Variants in HEATR5A observed in about 807,000 individuals in gnomAD.
HEATR5A encodes HEAT repeat-containing protein 5A.
In HEATR5A, 178 loss-of-function variants were observed where a neutral mutation model predicts 218.8. The ratio of observed to expected loss-of-function variants is 0.81; its 90% CI spans 0.72 to 0.92. The LOEUF is 0.92. Ranked by LOEUF, HEATR5A falls within the 40% of genes least tolerant of loss-of-function variation. The pLI is 0.00. For missense variants in HEATR5A, 2,420 were observed against 2,418.9 expected (o/e 1.00, Z -0.01); for synonymous variants, 864 against 871.6 (o/e 0.99, Z 0.15).
chr14:31,357,900 C>G (rs1326803403), intron 16 of HEATR5A, among the ~76,000 whole-genome samples: 10 of 152,140 alleles, frequency 6.6e-5, no homozygotes, highest in Non-Finnish European at 1.5e-4. Context: ...GGGCCACGGA[C>G]TGGTACTGGT....
chr14:31,373,760 C>T (rs970759313), intron 12 of HEATR5A, among the ~76,000 whole-genome samples: 1 of 151,938 alleles, frequency 6.6e-6, no homozygotes, highest in Non-Finnish European at 1.5e-5. Flanking sequence ...GATGCCACAC[C>T]GAGTGTGCCT....
chr14:31,380,798 C>T (rs1289109770), intron 10 of HEATR5A, among the ~76,000 whole-genome samples: 2 of 152,184 alleles, frequency 1.3e-5, no homozygotes, highest in Non-Finnish European at 2.9e-5. Flanking sequence ...TAGTACACAA[C>T]AATCCCATAA....
At chr14:31,409,300 G>A (rs1055098232) in intron 1 of HEATR5A, among the ~76,000 whole-genome samples, 10 of 150,696 alleles carry the variant, frequency 6.6e-5, no homozygotes, top group South Asian at 2.1e-4. Flanking sequence ...CAACCGCCTC[G>A]GCATCCCAAA....
intron 12 of HEATR5A, among the ~76,000 whole-genome samples, 191 bp downstream of exon 12, chr14:31,374,625 G>A (rs74736847): frequency 0.03 from 4,555 of 152,004 alleles, 215 homozygotes; most frequent in African/African-American, 0.1. Flanking sequence ...TCTCAAATCT[G>A]GTTTATTATA....
At chr14:31,350,842 A>G (rs781202111) in intron 16 of HEATR5A, 125 bp from the exon 17 acceptor site, 1 of 588,776 alleles carries the variant, frequency 1.7e-6, no homozygotes, top group Non-Finnish European at 3.0e-6. Context: ...TACTGGCACC[A>G]TCTCGGCTCA....
rs373472797 is a variant in HEATR5A at position 31,299,478 on chromosome 14, G to C, written c.5464+2817C>G. On this transcript the variant is annotated intron_variant, in intron 33 of 35. Transcript: ENST00000543095. The stretch of plus-strand genomic sequence containing the variant: ...CTCATGCCTGTAATCCCAGCACTTT[G>C]GGAGGCCAAGGTGGGCGGATCATCT... Among the ~76,000 whole-genome samples the C allele has an allele frequency of 6.6e-5, 10 of 152,262 alleles. No individual in the cohort carries two copies. In the East Asian group the frequency reaches 7.7e-4, roughly 12 times the overall value.
chr14:31,376,453 C>T (rs1042813128), intron 11 of HEATR5A, among the ~76,000 whole-genome samples: 48 of 152,302 alleles, frequency 3.2e-4, no homozygotes, highest in African/African-American at 1.1e-3. Flanking sequence ...ATCAAGGCTG[C>T]AGCAAGCTAT....
chr14:31,308,676 C>T (rs1686219730), intron 29 of HEATR5A, among the ~76,000 whole-genome samples: 1 of 152,042 alleles, frequency 6.6e-6, no homozygotes, highest in Non-Finnish European at 1.5e-5. Flanking sequence ...TATCACTGTG[C>T]TTTGACATAC....
chr14:31,416,750 C>T (rs2139332324), intron 1 of HEATR5A, among the ~76,000 whole-genome samples: 1 of 152,110 alleles, frequency 6.6e-6, no homozygotes, highest in East Asian at 1.9e-4. Flanking sequence ...AGTTACACTT[C>T]CAATAATATT....
intron 33 of HEATR5A, among the ~76,000 whole-genome samples, chr14:31,301,171 G>A (rs943494660): frequency 1.3e-5 from 2 of 152,148 alleles, no homozygotes; most frequent in Non-Finnish European, 2.9e-5. Context: ...TGCATACTGT[G>A]TCTAAAGACT....
At chr14:31,385,119 T>C (rs1384022972) in intron 9 of HEATR5A, among the ~76,000 whole-genome samples, 1 of 152,130 alleles carries the variant, frequency 6.6e-6, no homozygotes, top group Non-Finnish European at 1.5e-5. Context: ...CCACGAAGGA[T>C]AAAAGCCATA....
chr14:31,400,985 G>T (rs1457411464), intron 2 of HEATR5A, among the ~76,000 whole-genome samples: 1 of 151,642 alleles, frequency 6.6e-6, no homozygotes, highest in Non-Finnish European at 1.5e-5. Context: ...GACTACAGGC[G>T]CCCGCCACCA....
chr14:31,407,716 C>A (rs1271565105), intron 1 of HEATR5A, among the ~76,000 whole-genome samples: 1 of 151,990 alleles, frequency 6.6e-6, no homozygotes, highest in African/African-American at 2.4e-5. Context: ...GCAACCTCCA[C>A]CTCCCAGGTT....
rs1430396501 is a variant in HEATR5A, at chr14:31,383,611, A to AG, written c.1505dup (p.Glu503Ter). 2 of 1,613,994 alleles carry AG rather than the reference A, an allele frequency of 1.2e-6. No homozygotes were observed. Among genetic ancestry groups the AG allele is most frequent in the South Asian group, 2.2e-5 (2 of 91,078 alleles). ...CAAAACTGAAGCCAGTCACTGCTTC[A>AG]GGTGAAGACTTATGTCCAGTAAGCC... On this transcript the variant is annotated frameshift_variant, in exon 10 of 36. Transcript: ENST00000543095. LOFTEE classifies it high-confidence loss of function.
chr14:31,293,864 G>T (rs1297515163), intron 35 of HEATR5A, 27 bp downstream of exon 35: 2 of 1,534,806 alleles, frequency 1.3e-6, no homozygotes, highest in South Asian at 2.4e-5. Context: ...TGTTGAGACT[G>T]AGTATGAATT....
chr14:31,321,062 C>A (rs552277720), intron 25 of HEATR5A, among the ~76,000 whole-genome samples: 14 of 152,090 alleles, frequency 9.2e-5, no homozygotes, highest in Non-Finnish European at 1.3e-4. Flanking sequence ...GATCCTCCCC[C>A]CTTTCTTCCC....
chr14:31,304,583 A>G (rs1899493588), intron 32 of HEATR5A, among the ~76,000 whole-genome samples: 1 of 151,918 alleles, frequency 6.6e-6, no homozygotes, highest in South Asian at 2.1e-4. Flanking sequence ...ATGCCTGGCT[A>G]ATTTTGTATT....
chr14:31,321,411 G>A (rs1415134869), intron 25 of HEATR5A, 88 bp downstream of exon 25: 1 of 1,044,332 alleles, frequency 9.6e-7, no homozygotes. Context: ...CGAAGTGCTG[G>A]GATTACAGGC....
chr14:31,395,235 T>C lies in HEATR5A; in HGVS notation c.561A>G (p.Thr187=). ...CACAACGAACAGCCATGGATCTATC[T>C]GTCAAGCAGGATCTAGCAGCTTTAT... ...DVYKAARSCL[T]DRSMAVRCAA... is the part of the protein sequence containing the mutation. The change falls in exon 5 of 36, where the codon ACA becomes ACG. Residue 187 remains threonine (T), a synonymous_variant. Coordinates refer to ENST00000543095, the MANE Select transcript of HEATR5A (RefSeq NM_015473.4). The C allele has an allele frequency of 6.5e-7, 1 of 1,533,320 alleles. No individual in the cohort carries two copies. The highest frequency in any genetic ancestry group is 8.7e-7 in the Non-Finnish European group (1 of 1,144,804). The allele number at this position is 1,533,320 out of a possible 1,614,324, so 95.0% of individuals were successfully genotyped here. A position where few individuals can be genotyped will look rare whatever the true frequency, so the allele number is the denominator to read the frequency against.
Sources: gnomAD v4.1 joint callset for allele counts (sites outside exome capture counted in the v4.1 genomes callset) on GRCh38, gnomAD v4.1.1 for gene constraint, MANE v1.5 for transcripts, NCBI Gene and HGNC (gene_info 2026-07-23, HGNC 2026-07-21) for gene names.